Variants in GDAP2 observed in about 807,000 individuals in gnomAD.
GDAP2 encodes the protein ganglioside-induced differentiation-associated protein 2.
In GDAP2, 51 loss-of-function variants were observed where a neutral mutation model predicts 67.0. The observed-to-expected ratio is 0.76, with a 90% confidence interval of 0.61 to 0.96. GDAP2 has a LOEUF of 0.96. GDAP2 is among the 40% of genes least tolerant of loss of function. GDAP2 has a pLI of 0.00. For missense variants in GDAP2, 547 were observed against 588.3 expected (o/e 0.93, Z 0.73); for synonymous variants, 203 against 207.3 (o/e 0.98, Z 0.18).
At chr1:117,928,778 T>C (rs1315554937) in intron 1 of GDAP2, among the ~76,000 whole-genome samples, 1 of 152,246 alleles carries the variant, frequency 6.6e-6, no homozygotes, top group Non-Finnish European at 1.5e-5. Flanking sequence ...TGTACAGCTA[T>C]GTTAGCTTTA....
intron 8 of GDAP2, among the ~76,000 whole-genome samples, chr1:117,893,454 A>G (rs1442584921): frequency 6.6e-6 from 1 of 152,228 alleles, no homozygotes; most frequent in Admixed American, 6.5e-5. Context: ...AAGGAGTGAC[A>G]TAAAACTATT....
chr1:117,911,007 C>T (rs144019489), intron 5 of GDAP2, among the ~76,000 whole-genome samples: 1 of 152,158 alleles, frequency 6.6e-6, no homozygotes, highest in Non-Finnish European at 1.5e-5. Context: ...TCCCAAAGAA[C>T]TGCTGCTTGA....
At chr1:117,897,524 A>G (rs182777673) in intron 7 of GDAP2, among the ~76,000 whole-genome samples, 38 of 152,346 alleles carry the variant, frequency 2.5e-4, no homozygotes, top group Non-Finnish European at 4.6e-4. Flanking sequence ...CTACACTGTC[A>G]TACCAACCTA....
At chr1:117,911,754 TA>T (rs1382438697) in intron 5 of GDAP2, among the ~76,000 whole-genome samples, 563 of 135,348 alleles carry the variant, frequency 4.2e-3, no homozygotes, top group Non-Finnish European at 5.3e-3. Context: ...ATTTAATGAT[TA>T]AAAAAAAAAA....
chr1:117,894,678 CT>C (rs1482036762), intron 8 of GDAP2, among the ~76,000 whole-genome samples: 1 of 152,016 alleles, frequency 6.6e-6, no homozygotes, highest in African/African-American at 2.4e-5. Flanking sequence ...GGACTAGTTG[CT>C]TTTTTTCATG....
At chr1:117,897,094 G>C in intron 7 of GDAP2, 105 bp from the exon 8 acceptor site, 1 of 695,942 alleles carries the variant, frequency 1.4e-6, no homozygotes, top group Non-Finnish European at 2.3e-6. Flanking sequence ...CAAAAAACTG[G>C]GGTCAAGGTT....
intron 1 of GDAP2, among the ~76,000 whole-genome samples, chr1:117,924,421 T>C (rs1650369689): frequency 6.6e-6 from 1 of 152,236 alleles, no homozygotes; most frequent in Non-Finnish European, 1.5e-5. Context: ...CTTAGGATAA[T>C]GGCCTCCAGC....
At chr1:117,877,613 T>C in intron 13 of GDAP2, 1 of 991,476 alleles carries the variant, frequency 1.0e-6, no homozygotes, top group Non-Finnish European at 1.2e-6. Context: ...ACTACTGAGA[T>C]AGGCCACATG....
chr1:117,922,080 T>G (rs1650271676), intron 1 of GDAP2, among the ~76,000 whole-genome samples: 1 of 152,152 alleles, frequency 6.6e-6, no homozygotes, highest in Non-Finnish European at 1.5e-5. Context: ...GTGCTACATT[T>G]GAGATGCTCA....
Position 117,920,199 on chromosome 1 carries a change from A to T in GDAP2, c.159T>A (p.Asn53Lys). 1 of 1,599,906 alleles carries T rather than the reference A, an allele frequency of 6.3e-7. No individual in the cohort carries two copies. The highest frequency in any genetic ancestry group is 8.5e-7 in the Non-Finnish European group (1 of 1,169,862). Reference protein sequence around the residue: ...RSPFLYNKDVNGKVVLWKGDV... With the variant: ...RSPFLYNKDVKGKVVLWKGDV... ...AAAATTACCAAAGAACCACTTTTCC[A>T]TTGACGTCCTTATTATAAAGAAAAG... The change falls in exon 2 of 14, where the codon AAT becomes AAA. Residue 53 changes from asparagine to lysine, a missense_variant. Coordinates refer to ENST00000369443, the MANE Select transcript of GDAP2 (RefSeq NM_017686.4).
At chr1:117,906,661 TTA>T (rs1649670779) in intron 5 of GDAP2, 79 bp from the exon 6 acceptor site, 1 of 775,272 alleles carries the variant, frequency 1.3e-6, no homozygotes, top group Admixed American at 2.2e-5. Context: ...CTTCAATGTT[TTA>T]GTTTTGTAAT....
intron 8 of GDAP2, among the ~76,000 whole-genome samples, chr1:117,890,661 C>T (rs1476472397): frequency 6.6e-6 from 1 of 152,062 alleles, no homozygotes; most frequent in Non-Finnish European, 1.5e-5. Flanking sequence ...CCATGTGCTA[C>T]TTCCCACCGT....
chr1:117,874,626 G>C (rs1648394435), intron 13 of GDAP2, among the ~76,000 whole-genome samples: 1 of 152,214 alleles, frequency 6.6e-6, no homozygotes, highest in Admixed American at 6.5e-5. Context: ...TGAAAATGTG[G>C]AAGCAGCTTT....
chr1:117,910,042 G>A (rs1054418571), intron 5 of GDAP2, among the ~76,000 whole-genome samples: 2 of 152,140 alleles, frequency 1.3e-5, no homozygotes. Flanking sequence ...GCCTTGTCAG[G>A]AGCAATTATA....
rs1413285293 is a variant in GDAP2, at chr1:117,866,371, T to C, written c.*4198A>G. ...TCAGCCTCCAACTGTGAGAAATAAA[T>C]GTGTTTTGTTACGCCACCCAGTTTA... On this transcript the variant is annotated 3_prime_UTR_variant, in exon 14 of 14. Coordinates refer to ENST00000369443, the MANE Select transcript of GDAP2 (RefSeq NM_017686.4). 6.6e-6 allele frequency: 1 copy of C among 152,164 alleles called. No individual in the cohort carries two copies. Among genetic ancestry groups the C allele is most frequent in the Non-Finnish European group, 1.5e-5 (1 of 68,040 alleles). 9.4% of individuals were successfully genotyped at this position (152,164 alleles called of 1,614,324 possible).
rs148783388 is a variant in GDAP2 at position 117,912,669 on chromosome 1, C to T, written c.331G>A (p.Glu111Lys). 31 of 1,613,360 alleles carry T rather than the reference C, an allele frequency of 1.9e-5. No individual in the cohort carries two copies. The highest frequency in any genetic ancestry group is 2.6e-5 in the Non-Finnish European group (31 of 1,179,542). The change falls in exon 4 of 14, where the codon GAA (glutamate) becomes AAA (lysine). Residue 111 changes from glutamate to lysine, a missense_variant. Transcript: ENST00000369443. ...TTGAATCCTTTTGTCAATTTTGCTTCACCTGTTCGGCACCCTGAAAACAAT... is the reference window on the plus strand; with the variant it reads ...TTGAATCCTTTTGTCAATTTTGCTTTACCTGTTCGGCACCCTGAAAACAAT... Reference protein sequence around the residue: ...LQKLKGCRTGEAKLTKGFNLA... With the variant: ...LQKLKGCRTGKAKLTKGFNLA...
At chr1:117,876,175 C>A in intron 13 of GDAP2, among the ~76,000 whole-genome samples, 1 of 152,100 alleles carries the variant, frequency 6.6e-6, no homozygotes, top group South Asian at 2.1e-4. Flanking sequence ...GGGCAGATCT[C>A]TCATAAATGG....
chr1:117,912,386 G>A (rs1649887423), intron 4 of GDAP2, 144 bp downstream of exon 4: 1 of 633,080 alleles, frequency 1.6e-6, no homozygotes, highest in African/African-American at 1.8e-5. Context: ...CTATTGTCAG[G>A]GTCCTCCTAA....
chr1:117,877,981 G>C (rs1570965048), intron 13 of GDAP2, 28 bp downstream of exon 13: 1 of 1,611,966 alleles, frequency 6.2e-7, no homozygotes, highest in East Asian at 2.2e-5. Context: ...ACCATACCAG[G>C]TGAGGGAGAA....
Sources: allele counts gnomAD v4.1 joint callset (sites outside exome capture counted in the v4.1 genomes callset), GRCh38; gene constraint gnomAD v4.1.1; transcripts MANE v1.5; gene names NCBI Gene and HGNC (gene_info 2026-07-23, HGNC 2026-07-21).